NIBAN1: variants seen among roughly 807,000 people sequenced by gnomAD.
NIBAN1 encodes niban apoptosis regulator 1, also known as protein Niban 1.
NIBAN1 carries 81 observed loss-of-function variants against 75.1 expected under a neutral mutation model. That is an observed-to-expected ratio of 1.08 (90% CI 0.90 to 1.30). The LOEUF is 1.30. NIBAN1 is among the 50% of genes most tolerant of loss of function. The pLI is 0.00. For synonymous variants in NIBAN1, 436 were observed against 424.8 expected, an observed-to-expected ratio of 1.03 and a Z score of -0.32; for missense variants, 1,133 against 1,128.1, an observed-to-expected ratio of 1.00 and a Z score of -0.06.
chr1:184,856,575 A>T (rs1655682664), intron 5 of NIBAN1, among the ~76,000 whole-genome samples: 1 of 152,222 alleles, frequency 6.6e-6, no homozygotes, highest in African/African-American at 2.4e-5. Flanking sequence ...TCATAATTCA[A>T]CCAAATTATT....
chr1:184,907,156 A>G (rs1250232817), intron 1 of NIBAN1, among the ~76,000 whole-genome samples: 1 of 152,182 alleles, frequency 6.6e-6, no homozygotes, highest in African/African-American at 2.4e-5. Flanking sequence ...AATTCTTTTT[A>G]AAAATAGTTG....
intron 1 of NIBAN1, among the ~76,000 whole-genome samples, chr1:184,911,301 ATG>A (rs1557911088): frequency 1.3e-5 from 2 of 152,210 alleles, no homozygotes; most frequent in African/African-American, 4.8e-5. Flanking sequence ...CAGCATGCCA[ATG>A]TGTTTCACAA....
chr1:184,829,694 C>T (rs949924773), intron 6 of NIBAN1, among the ~76,000 whole-genome samples: 27 of 152,084 alleles, frequency 1.8e-4, no homozygotes, highest in African/African-American at 5.8e-4. Flanking sequence ...TCTCGAACTC[C>T]TGGTCTTGTG....
intron 1 of NIBAN1, among the ~76,000 whole-genome samples, chr1:184,917,244 G>C (rs954703080): frequency 6.9e-6 from 1 of 144,808 alleles, no homozygotes; most frequent in African/African-American, 2.6e-5. Flanking sequence ...TCACTCTGTC[G>C]CCCAGGCTGG....
chr1:184,841,777 A>C (rs1172713483), intron 5 of NIBAN1, among the ~76,000 whole-genome samples: 1 of 152,232 alleles, frequency 6.6e-6, no homozygotes, highest in East Asian at 1.9e-4. Context: ...CTAGAAAGGA[A>C]GTACTCCATC....
intron 9 of NIBAN1, among the ~76,000 whole-genome samples, chr1:184,812,147 T>C (rs190648215): frequency 6.6e-6 from 1 of 152,294 alleles, no homozygotes. Context: ...ATACTTTCCT[T>C]CATCTTATTT....
In NIBAN1 at chr1:184,916,600, G is replaced by T. The variant is rs73050686; in HGVS notation, c.56-17291C>A. 6.5e-3 allele frequency among the ~76,000 whole-genome samples: 983 copies of T among 151,524 alleles called. 9 individuals are homozygous for T. Among genetic ancestry groups the T allele is most frequent in the African/African-American group, 0.022 (925 of 41,312 alleles). On this transcript the variant is annotated intron_variant, in intron 1 of 13. Transcript: ENST00000367511. ...CTTGGCCAAAGTTTTAAAATGAGGG[G>T]TTTTTTTTAAGTAAAATATTCAATT...
chr1:184,964,402 G>A (rs1243324905), intron 1 of NIBAN1, among the ~76,000 whole-genome samples: 1 of 152,228 alleles, frequency 6.6e-6, no homozygotes, highest in Non-Finnish European at 1.5e-5. Context: ...GATGAAAGGA[G>A]CAATGACTGT....
intron 1 of NIBAN1, among the ~76,000 whole-genome samples, chr1:184,962,925 A>C (rs977517321): frequency 6.6e-6 from 1 of 152,168 alleles, no homozygotes; most frequent in Non-Finnish European, 1.5e-5. Flanking sequence ...CAAATGATAG[A>C]TATGGGAAGT....
rs184950386 is a variant in NIBAN1 at position 184,824,444 on chromosome 1, G to T, written c.718-702C>A. ...AACCACAGAGAAGATCAGCAAGGTT[G>T]TCTGCTTGACCTGCTTCTCCACAGC... On this transcript the variant is annotated intron_variant, in intron 6 of 13. Coordinates refer to ENST00000367511, the MANE Select transcript of NIBAN1 (RefSeq NM_052966.4). 1.0e-3 allele frequency among the ~76,000 whole-genome samples: 158 copies of T among 152,196 alleles called. 3 individuals carry two copies. Among genetic ancestry groups the T allele is most frequent in the African/African-American group, 3.5e-3 (147 of 41,516 alleles).
intron 8 of NIBAN1, among the ~76,000 whole-genome samples, chr1:184,821,974 G>A (rs1346274567): frequency 6.6e-6 from 1 of 152,118 alleles, no homozygotes. Context: ...GTGGAAAGGG[G>A]GCCTGAACTG....
At chr1:184,928,568 T>A (rs891951861) in intron 1 of NIBAN1, among the ~76,000 whole-genome samples, 1 of 152,184 alleles carries the variant, frequency 6.6e-6, no homozygotes, top group African/African-American at 2.4e-5. Flanking sequence ...CCTCCATGGG[T>A]GCCAGCTGAG....
intron 1 of NIBAN1, among the ~76,000 whole-genome samples, chr1:184,916,490 A>C (rs902704832): frequency 1.8e-5 from 2 of 113,056 alleles, no homozygotes; most frequent in Non-Finnish European, 3.9e-5. Flanking sequence ...ATTAGCTATG[A>C]GCAAAAAAAA....
At position 184,795,015 on chromosome 1, in the gene NIBAN1, C is replaced by T; in HGVS notation, c.2749G>A (p.Gly917Ser). The T allele has an allele frequency of 6.2e-7, 1 of 1,612,816 alleles. No homozygotes were observed. The highest frequency in any genetic ancestry group is 8.5e-7 in the Non-Finnish European group (1 of 1,180,038). ...HKDDVKEGEGGQESFPELPSE... is the reference protein window; with the variant it reads ...HKDDVKEGEGSQESFPELPSE... The stretch of plus-strand genomic sequence containing the variant: ...GGCAGCTCTGGGAAACTCTCCTGAC[C>T]ACCTTCTCCCTCCTTCACGTCATCT... Residue 917 changes from glycine to serine, a missense_variant, in exon 14 of 14, where the codon GGT (glycine) becomes AGT (serine). Gly to Ser is a moderately conservative substitution (Grantham distance 56, BLOSUM62 0). Transcript: ENST00000367511.
chr1:184,920,955 C>A (rs1657516720), intron 1 of NIBAN1, among the ~76,000 whole-genome samples: 1 of 152,054 alleles, frequency 6.6e-6, no homozygotes, highest in South Asian at 2.1e-4. Flanking sequence ...CATGGTGAAA[C>A]CCCGTCTCTA....
At chr1:184,914,373 G>A (rs185610185) in intron 1 of NIBAN1, among the ~76,000 whole-genome samples, 23 of 152,214 alleles carry the variant, frequency 1.5e-4, no homozygotes, top group Admixed American at 1.2e-3. Flanking sequence ...GTTATTACTC[G>A]CAGAAGCAAA....
intron 6 of NIBAN1, among the ~76,000 whole-genome samples, chr1:184,826,007 G>A (rs1159204383): frequency 3.9e-5 from 6 of 152,216 alleles, no homozygotes; most frequent in African/African-American, 1.2e-4. Flanking sequence ...GGAAATGCCC[G>A]TGAGCTCATT....
At chr1:184,893,939 A>C (rs1656733887) in intron 3 of NIBAN1, 136 bp downstream of exon 3, 1 of 832,124 alleles carries the variant, frequency 1.2e-6, no homozygotes, top group Non-Finnish European at 1.8e-6. Context: ...TATTGAATGA[A>C]TCAGTCTCTA....
intron 5 of NIBAN1, among the ~76,000 whole-genome samples, chr1:184,843,030 C>T (rs1655337368): frequency 2.0e-5 from 3 of 152,214 alleles, no homozygotes; most frequent in South Asian, 2.1e-4. Context: ...ACTGCTCACC[C>T]ACTTAACACA....
Sources: allele counts gnomAD v4.1 joint callset (sites outside exome capture counted in the v4.1 genomes callset), GRCh38; gene constraint gnomAD v4.1.1; transcripts MANE v1.5; gene names NCBI Gene and HGNC (gene_info 2026-07-23, HGNC 2026-07-21).